ARMC9: variants seen among roughly 807,000 people sequenced by gnomAD.
The protein encoded by ARMC9 is armadillo repeat containing 9.
In ARMC9, 94 loss-of-function variants were observed where a neutral mutation model predicts 107.0. That is an observed-to-expected ratio of 0.88 (90% CI 0.74 to 1.04). The LOEUF (loss-of-function observed/expected upper bound fraction) is 1.04. Ranked by LOEUF, ARMC9 falls within the 50% of genes least tolerant of loss-of-function variation. The pLI, the probability that ARMC9 is intolerant of heterozygous loss-of-function variation, is 0.00. For synonymous variants in ARMC9, 380 were observed against 396.9 expected (o/e 0.96, Z 0.51); for missense variants, 942 against 1,030.1 (o/e 0.91, Z 1.17).
intron 17 of ARMC9, among the ~76,000 whole-genome samples, chr2:231,287,791 G>T (rs1175855769): frequency 6.6e-6 from 1 of 152,024 alleles, no homozygotes; most frequent in Non-Finnish European, 1.5e-5. Context: ...TCATATTCTT[G>T]GCCCCATAAT....
rs923698407 is a variant in ARMC9 at position 231,235,145 on chromosome 2, G to C, written c.623-79G>C. The C allele has an allele frequency of 1.2e-5, 17 of 1,428,968 alleles. No individual in the cohort carries two copies. In the African/African-American group the frequency reaches 2.1e-4, roughly 18 times the overall value. 88.5% of individuals were successfully genotyped at this position (1,428,968 alleles called of 1,614,324 possible). A position where few individuals can be genotyped will look rare whatever the true frequency, so the allele number is the denominator to read the frequency against. On this transcript the variant is annotated intron_variant, in intron 7 of 24. Coordinates refer to ENST00000611582, the MANE Select transcript of ARMC9 (RefSeq NM_001352754.2). ...AGAAAACATTCTGGCAATAAGTATG[G>C]TAGTTCTTTGAGAAGAATACAATTA...
At chr2:231,343,076 G>A (rs917955240) in intron 20 of ARMC9, among the ~76,000 whole-genome samples, 1 of 152,004 alleles carries the variant, frequency 6.6e-6, no homozygotes, top group Non-Finnish European at 1.5e-5. Context: ...ACCAGGCCTA[G>A]CTAATTTTGT....
In ARMC9 at chr2:231,367,210, G is replaced by T. The variant is rs139755828; in HGVS notation, c.2262-2743G>T. Among the ~76,000 whole-genome samples, 560 of 152,264 alleles carry T rather than the reference G, an allele frequency of 3.7e-3. 1 individual carries two copies. The highest frequency in any genetic ancestry group is 0.014 in the Middle Eastern group (4 of 294). The stretch of plus-strand genomic sequence containing the variant: ...CATCACATAAGGGCTTTGATGCCCA[G>T]TGGCAAATTGCTCTCCAAAAAGATG... On this transcript the variant is annotated intron_variant, in intron 23 of 24. Coordinates refer to ENST00000611582, the MANE Select transcript of ARMC9 (RefSeq NM_001352754.2).
intron 24 of ARMC9, chr2:231,370,803 T>C (rs2045987936): frequency 4.2e-5 from 11 of 264,384 alleles, no homozygotes; most frequent in South Asian, 3.8e-4. Flanking sequence ...GCTGAACCTT[T>C]CTAGAGGGCT....
chr2:231,211,113 C>G (rs2032784225), intron 3 of ARMC9, among the ~76,000 whole-genome samples: 1 of 150,826 alleles, frequency 6.6e-6, no homozygotes, highest in Admixed American at 6.6e-5. Flanking sequence ...GAATAATAAT[C>G]TGTGATATAT....
At chr2:231,264,077 T>C (rs563206821) in intron 12 of ARMC9, among the ~76,000 whole-genome samples, 1 of 152,354 alleles carries the variant, frequency 6.6e-6, no homozygotes, top group South Asian at 2.1e-4. Context: ...GAAAGGTGTG[T>C]TGGGTTTTGT....
chr2:231,344,504 T>C (rs1375075987), intron 20 of ARMC9, among the ~76,000 whole-genome samples: 1 of 152,244 alleles, frequency 6.6e-6, no homozygotes, highest in Non-Finnish European at 1.5e-5. Context: ...TAGGAGCTCC[T>C]TAGCTATGAA....
intron 16 of ARMC9, among the ~76,000 whole-genome samples, chr2:231,279,755 C>G (rs79701553): frequency 0.093 from 14,080 of 151,906 alleles, 856 homozygotes; most frequent in South Asian, 0.27. Context: ...TGTGATTCAC[C>G]CACCTCGGCC....
intron 19 of ARMC9, 75 bp from the exon 20 acceptor site, chr2:231,331,718 C>T: frequency 2.3e-6 from 3 of 1,305,602 alleles, no homozygotes; most frequent in Non-Finnish European, 2.2e-6. Context: ...ATGACAGCTA[C>T]ACATTCTGGG....
intron 21 of ARMC9, 93 bp from the exon 22 acceptor site, chr2:231,355,705 C>G: frequency 7.2e-7 from 1 of 1,393,478 alleles, no homozygotes; most frequent in Non-Finnish European, 9.6e-7. Context: ...GAGGCACCGC[C>G]CCCTCCTGTA....
chr2:231,216,668 T>G lies in ARMC9; in HGVS notation c.379T>G (p.Tyr127Asp). 1 of 1,613,828 alleles carries G rather than the reference T, an allele frequency of 6.2e-7. No homozygotes were observed. Among genetic ancestry groups the G allele is most frequent in the Non-Finnish European group, 8.5e-7 (1 of 1,179,858 alleles). The change falls in exon 5 of 25, where the codon TAC becomes GAC. Residue 127 changes from tyrosine to aspartate, a missense_variant. Physicochemically the swap from Tyr to Asp is radical, Grantham distance 160. Transcript: ENST00000611582. ...DKEELDEKIS[Y>D]FKTYLETKGA... Reference sequence around the variant, plus strand: ...AGAGGAGCTGGATGAAAAGATTTCCTACTTCAAAACCTACCTGGAGACCAA... The same window carrying G: ...AGAGGAGCTGGATGAAAAGATTTCCGACTTCAAAACCTACCTGGAGACCAA...
chr2:231,249,394 C>A (rs1230308516), intron 9 of ARMC9, among the ~76,000 whole-genome samples: 1 of 152,072 alleles, frequency 6.6e-6, no homozygotes, highest in Non-Finnish European at 1.5e-5. Flanking sequence ...AGATCGGACC[C>A]AGGAACACTT....
chr2:231,205,229 G>A (rs922609970), intron 1 of ARMC9, among the ~76,000 whole-genome samples: 2 of 151,982 alleles, frequency 1.3e-5, no homozygotes, highest in African/African-American at 2.4e-5. Flanking sequence ...AATTACCTGG[G>A]TATGGTGGCA....
chr2:231,348,078 G>A lies in ARMC9; in HGVS notation c.1994+2988G>A, dbSNP rs74269606. 0.029 allele frequency among the ~76,000 whole-genome samples: 4,456 copies of A among 152,262 alleles called. 468 individuals carry two copies. The East Asian group carries it at 0.4, about 14-fold the overall frequency. On this transcript the variant is annotated intron_variant, in intron 21 of 24. Coordinates refer to ENST00000611582, the MANE Select transcript of ARMC9 (RefSeq NM_001352754.2). ...GACAGAATAATGGTCCCTCAAAGATGTCCACATCCCAATCCCCACAACCTG... is the reference window on the plus strand; with the variant it reads ...GACAGAATAATGGTCCCTCAAAGATATCCACATCCCAATCCCCACAACCTG...
At chr2:231,234,577 T>C (rs1574711265) in intron 7 of ARMC9, among the ~76,000 whole-genome samples, 1 of 152,230 alleles carries the variant, frequency 6.6e-6, no homozygotes, top group African/African-American at 2.4e-5. Context: ...TCAGGCATTT[T>C]ATGAGCTCAG....
intron 19 of ARMC9, among the ~76,000 whole-genome samples, chr2:231,321,950 T>C (rs912913445): frequency 6.6e-6 from 1 of 152,260 alleles, no homozygotes; most frequent in Non-Finnish European, 1.5e-5. Context: ...CATTTCTTGC[T>C]GTTTTTGCTT....
intron 19 of ARMC9, among the ~76,000 whole-genome samples, chr2:231,310,843 C>T (rs1454992047): frequency 6.6e-6 from 1 of 150,828 alleles, no homozygotes; most frequent in Non-Finnish European, 1.5e-5. Flanking sequence ...GACAGAAAAG[C>T]AGGCCAGGCA....
In ARMC9 at chr2:231,355,736, AGTCG is replaced by A. The variant is rs1225735937; in HGVS notation, c.1995-60_1995-57del. On this transcript the variant is annotated intron_variant, in intron 21 of 24. Transcript: ENST00000611582. ...CTGTATTTGTGATGCTGCAGTCGGC[AGTCG>A]GCAGTCCGAATCTCCTGGCTGGCTG... 9 of 1,481,982 alleles carry A rather than the reference AGTCG, an allele frequency of 6.1e-6. No homozygotes were observed. The African/African-American group carries it at 1.3e-4, about 21-fold the overall frequency. The allele number at this position is 1,481,982 out of a possible 1,614,324, so 91.8% of individuals were successfully genotyped here. A position where few individuals can be genotyped will look rare whatever the true frequency, so the allele number is the denominator to read the frequency against.
At position 231,355,885 on chromosome 2, in the gene ARMC9, C is replaced by G; in HGVS notation, c.2082C>G (p.Val694=). 1.3e-6 allele frequency: 2 copies of G among 1,536,118 alleles called. No homozygotes were observed. The highest frequency in any genetic ancestry group is 1.7e-6 in the Non-Finnish European group (2 of 1,146,904). ...CCCTGCCAGCCGCTCACGAGGCTGT[C>G]TACAGGGAGGGCAAGCCCAGCACCC... is the stretch of plus-strand genomic sequence containing the variant. ...PQALPAAHEA[V]YREGKPSTPE... Residue 694 remains valine, a synonymous_variant, in exon 22 of 25, where the codon GTC becomes GTG. Transcript: ENST00000611582.
Sources: gnomAD v4.1 joint callset for allele counts (sites outside exome capture counted in the v4.1 genomes callset) on GRCh38, gnomAD v4.1.1 for gene constraint, MANE v1.5 for transcripts, NCBI Gene and HGNC (gene_info 2026-07-23, HGNC 2026-07-21) for gene names.